Variants in SLC35D4 observed in about 807,000 individuals in gnomAD.
The protein encoded by SLC35D4 is solute carrier family 35 member D4, also known as UDP-N-acetylglucosamine transporter SLC35D4.
chr18:23,348,466 T>G, the SLC35D4 span, among the ~76,000 whole-genome samples: 1 of 152,228 alleles, frequency 6.6e-6, no homozygotes, highest in Non-Finnish European at 1.5e-5. Flanking sequence ...TGTTAAATAA[T>G]CTATTTATCT....
At chr18:23,417,259 A>G in the SLC35D4 span, among the ~76,000 whole-genome samples, 2 of 150,580 alleles carry the variant, frequency 1.3e-5, no homozygotes, top group African/African-American at 4.9e-5. Context: ...AAAAAAAATT[A>G]ATAAAAGTAT....
At chr18:23,338,104 T>C in the SLC35D4 span, among the ~76,000 whole-genome samples, 3 of 151,902 alleles carry the variant, frequency 2.0e-5, no homozygotes, top group African/African-American at 7.3e-5. Flanking sequence ...GCCAGCAGGG[T>C]GGTCTCCATG....
chr18:23,301,005 C>A, the SLC35D4 span, among the ~76,000 whole-genome samples: 1 of 152,238 alleles, frequency 6.6e-6, no homozygotes, highest in Non-Finnish European at 1.5e-5. Context: ...GCAGGCCCTG[C>A]GCCTAATGCA....
chr18:23,402,186 G>A, the SLC35D4 span, among the ~76,000 whole-genome samples: 7 of 152,180 alleles, frequency 4.6e-5, no homozygotes, highest in Non-Finnish European at 5.9e-5. Flanking sequence ...GACCATAGCC[G>A]CTGCTAAGAA....
At chr18:23,245,418 C>T in the SLC35D4 span, among the ~76,000 whole-genome samples, 1,220 of 150,108 alleles carry the variant, frequency 8.1e-3, 21 homozygotes, top group African/African-American at 0.028. Flanking sequence ...GACTGAGGCA[C>T]GAGAATCGCT....
chr18:23,430,329 C>G, the SLC35D4 span, among the ~76,000 whole-genome samples: 2 of 152,054 alleles, frequency 1.3e-5, no homozygotes, highest in Non-Finnish European at 2.9e-5. Context: ...TTGCCTCAGC[C>G]TCCCAAAGCG....
At chr18:23,353,313 T>C in the SLC35D4 span, among the ~76,000 whole-genome samples, 1 of 152,174 alleles carries the variant, frequency 6.6e-6, no homozygotes, top group African/African-American at 2.4e-5. Flanking sequence ...CACACTTCCA[T>C]CTGACCTTAT....
the SLC35D4 span, among the ~76,000 whole-genome samples, chr18:23,428,557 A>C: frequency 6.6e-6 from 1 of 152,148 alleles, no homozygotes; most frequent in Non-Finnish European, 1.5e-5. Context: ...TCACTTTGTC[A>C]CCCAAGCTGG....
chr18:23,380,654 G>A, the SLC35D4 span, among the ~76,000 whole-genome samples: 1 of 152,130 alleles, frequency 6.6e-6, no homozygotes, highest in African/African-American at 2.4e-5. Flanking sequence ...ACATTTCATA[G>A]GTACTTGATA....
At chr18:23,328,159 T>G in the SLC35D4 span, among the ~76,000 whole-genome samples, 1 of 152,168 alleles carries the variant, frequency 6.6e-6, no homozygotes, top group Admixed American at 6.5e-5. Context: ...AGGGATGCCC[T>G]CTCTCACCAC....
chr18:23,401,361 C>T, the SLC35D4 span, among the ~76,000 whole-genome samples: 1 of 152,170 alleles, frequency 6.6e-6, no homozygotes, highest in African/African-American at 2.4e-5. Context: ...AAGCTGCAAA[C>T]ACTCAGATAA....
chr18:23,254,932 T>G, the SLC35D4 span, among the ~76,000 whole-genome samples: 1 of 152,164 alleles, frequency 6.6e-6, no homozygotes, highest in Admixed American at 6.6e-5. Context: ...GGGCTGTGTA[T>G]GGAAGCCCTG....
chr18:23,336,058 A>AT, the SLC35D4 span, among the ~76,000 whole-genome samples: 1 of 152,010 alleles, frequency 6.6e-6, no homozygotes, highest in Non-Finnish European at 1.5e-5. Flanking sequence ...TGAAGACAAC[A>AT]TAACTGGAAA....
At chr18:23,355,807 T>TTATTGGGCCAGGCACAAAGCTTAAGACC in the SLC35D4 span, among the ~76,000 whole-genome samples, 13 of 152,134 alleles carry the variant, frequency 8.5e-5, no homozygotes, top group Non-Finnish European at 1.6e-4. Context: ...TGACCACCAT[T>TTATTGGGCCAGGCACAAAGCTTAAGACC]TATTGGGCCA....
At chr18:23,332,161 C>T in the SLC35D4 span, among the ~76,000 whole-genome samples, 2 of 152,030 alleles carry the variant, frequency 1.3e-5, no homozygotes, top group African/African-American at 4.8e-5. Context: ...TTCCAAAGCC[C>T]TGGGATTACA....
At chr18:23,289,666 C>T in the SLC35D4 span, among the ~76,000 whole-genome samples, 1 of 152,178 alleles carries the variant, frequency 6.6e-6, no homozygotes, top group African/African-American at 2.4e-5. Flanking sequence ...GGCCTCTGAG[C>T]CCAAGCTAAG....
At chr18:23,306,544 G>T in the SLC35D4 span, among the ~76,000 whole-genome samples, 5 of 152,184 alleles carry the variant, frequency 3.3e-5, no homozygotes, top group African/African-American at 1.2e-4. Flanking sequence ...GACCTCAGGT[G>T]ATCCACCCGC....
chr18:23,330,387 T>C, the SLC35D4 span, among the ~76,000 whole-genome samples: 3 of 152,220 alleles, frequency 2.0e-5, no homozygotes, highest in Non-Finnish European at 4.4e-5. Flanking sequence ...TTTTGAACTT[T>C]TTAAATGAAG....
the SLC35D4 span, among the ~76,000 whole-genome samples, chr18:23,266,314 C>T: frequency 6.8e-6 from 1 of 146,604 alleles, no homozygotes; most frequent in Admixed American, 7.0e-5. Context: ...GAAGATGGCA[C>T]AGTAAACCCC....
Sources: gnomAD v4.1 joint callset for allele counts (sites outside exome capture counted in the v4.1 genomes callset) on GRCh38, gnomAD v4.1.1 for gene constraint, MANE v1.5 for transcripts, NCBI Gene and HGNC (gene_info 2026-07-23, HGNC 2026-07-21) for gene names.